THRAP3: variants seen among roughly 807,000 people sequenced by gnomAD.
THRAP3 encodes thyroid hormone receptor-associated protein 3.
THRAP3 carries 16 observed loss-of-function variants against 101.0 expected under a neutral mutation model. The ratio of observed to expected loss-of-function variants is 0.16; its 90% CI spans 0.11 to 0.24. THRAP3 has a LOEUF of 0.24. THRAP3 is among the 10% of genes least tolerant of loss of function. The probability of loss-of-function intolerance (pLI) is 1.00; values close to 1 mark genes in which losing one functional copy is unlikely to be tolerated. For synonymous variants in THRAP3, 407 were observed against 422.6 expected (o/e 0.96, Z 0.45); for missense variants, 989 against 1,202.7 (o/e 0.82, Z 2.63).
chr1:36,246,667 C>T (rs1482515885), intron 1 of THRAP3, among the ~76,000 whole-genome samples: 3 of 151,736 alleles, frequency 2.0e-5, no homozygotes, highest in Non-Finnish European at 4.4e-5. Context: ...ATGGTGAAAC[C>T]CTGTCTCTAC....
At position 36,248,366 on chromosome 1, in the gene THRAP3, C is replaced by A. The variant is rs147164590; in HGVS notation, c.-134-11016C>A. Among the ~76,000 whole-genome samples, 1,172 of 151,548 alleles carry A rather than the reference C, an allele frequency of 7.7e-3. 10 individuals carry two copies. The highest frequency in any genetic ancestry group is 0.027 in the African/African-American group (1,117 of 41,296). Reference sequence around the variant, plus strand: ...TTGTTGTCCAGGCTAGTCTCGAACTCCTAGCCTCAAGTGATCCTTCTACCT... The same window carrying A: ...TTGTTGTCCAGGCTAGTCTCGAACTACTAGCCTCAAGTGATCCTTCTACCT... On this transcript the variant is annotated intron_variant, in intron 1 of 11. Coordinates refer to ENST00000354618, the MANE Select transcript of THRAP3 (RefSeq NM_005119.4).
At chr1:36,272,174 G>T (rs991436770) in intron 2 of THRAP3, among the ~76,000 whole-genome samples, 1 of 152,054 alleles carries the variant, frequency 6.6e-6, no homozygotes, top group East Asian at 1.9e-4. Flanking sequence ...GAGTCACCAC[G>T]CCCAGCCTGT....
In THRAP3 at chr1:36,288,126, G is replaced by A. The variant is rs570347086; in HGVS notation, c.1040+856G>A. Reference sequence around the variant, plus strand: ...GATGAGATGTTTTGAATCTGTACTTGCCTTCAGTAAGTCTGTTTTATTTTA... The same window carrying A: ...GATGAGATGTTTTGAATCTGTACTTACCTTCAGTAAGTCTGTTTTATTTTA... On this transcript the variant is annotated intron_variant, in intron 4 of 11. Transcript: ENST00000354618. The A allele has an allele frequency of 4.2e-4, 413 of 984,282 alleles. 1 individual carries two copies. Among genetic ancestry groups the A allele is most frequent in the Non-Finnish European group, 4.9e-4 (405 of 829,026 alleles). The allele number at this position is 984,282 out of a possible 1,614,324, so 61.0% of individuals were successfully genotyped here.
At chr1:36,225,575 A>C (rs1281542248) in intron 1 of THRAP3, 1 of 151,668 alleles carries the variant, frequency 6.6e-6, no homozygotes, top group Non-Finnish European at 1.5e-5. Context: ...TTTTTTTTTT[A>C]GAGTGTGCGC....
At chr1:36,254,256 TCTC>T (rs1289191626) in intron 1 of THRAP3, among the ~76,000 whole-genome samples, 3 of 152,216 alleles carry the variant, frequency 2.0e-5, no homozygotes, top group Admixed American at 2.0e-4. Flanking sequence ...GTCCTTTTCT[TCTC>T]CACAGATATT....
At chr1:36,301,481 CA>C in intron 10 of THRAP3, 71 bp from the exon 11 acceptor site, 2 of 1,555,676 alleles carry the variant, frequency 1.3e-6, no homozygotes, top group Non-Finnish European at 1.7e-6. Flanking sequence ...AATGTTTGAA[CA>C]AAAAGCAGGG....
the THRAP3 span, among the ~76,000 whole-genome samples, chr1:36,218,182 T>C: frequency 2.6e-4 from 38 of 147,586 alleles, no homozygotes; most frequent in African/African-American, 9.0e-4. Context: ...CTGGCCAACA[T>C]GGTGAAACCC....
intron 1 of THRAP3, among the ~76,000 whole-genome samples, chr1:36,232,499 A>G (rs1052858341): frequency 6.6e-6 from 1 of 152,306 alleles, no homozygotes; most frequent in African/African-American, 2.4e-5. Flanking sequence ...ACTATATGAC[A>G]TGATATTTAT....
intron 1 of THRAP3, among the ~76,000 whole-genome samples, chr1:36,236,130 T>C (rs553256306): frequency 6.6e-6 from 1 of 151,202 alleles, no homozygotes; most frequent in Non-Finnish European, 1.5e-5. Context: ...CAGGTGCCTG[T>C]AGTCCCAGCT....
chr1:36,303,818 G>C lies in THRAP3; in HGVS notation c.2669G>C (p.Gly890Ala). 6.2e-7 allele frequency: 1 copy of C among 1,614,116 alleles called. No individual in the cohort carries two copies. Among genetic ancestry groups the C allele is most frequent in the African/African-American group, 1.3e-5 (1 of 75,028 alleles). Residue 890 changes from glycine (G) to alanine (A), a missense_variant, in exon 12 of 12, where the codon GGC becomes GCC. Gly to Ala is a moderately conservative substitution (Grantham distance 60, BLOSUM62 0). Transcript: ENST00000354618. ...YYLHDDREGEGSDKWVSRGRG... is the reference protein window; with the variant it reads ...YYLHDDREGEASDKWVSRGRG... ...CAGCATGATGACCGTGAAGGCGAAG[G>C]CAGTGACAAGTGGGTGAGCCGGGGC...
chr1:36,247,935 A>G (rs1009085930), intron 1 of THRAP3, among the ~76,000 whole-genome samples: 1 of 143,026 alleles, frequency 7.0e-6, no homozygotes, highest in Non-Finnish European at 1.5e-5. Flanking sequence ...GCTGGAGTGC[A>G]GTGGCACGAT....
At chr1:36,292,252 G>GTTTT (rs1557453511) in intron 6 of THRAP3, among the ~76,000 whole-genome samples, 3 of 57,494 alleles carry the variant, frequency 5.2e-5, no homozygotes, top group Non-Finnish European at 1.0e-4. Flanking sequence ...AACATAATGT[G>GTTTT]TTTCTTTGTT....
intron 3 of THRAP3, among the ~76,000 whole-genome samples, chr1:36,285,932 G>A (rs1020506526): frequency 6.6e-6 from 1 of 152,092 alleles, no homozygotes; most frequent in Non-Finnish European, 1.5e-5. Context: ...TTGTAGATAG[G>A]GGTCAGAGTA....
In THRAP3 at chr1:36,269,778, T is replaced by C. The variant is rs551170128; in HGVS notation, c.-32+10294T>C. ...ATCTTCTGTAGAGACAGGGTCTCAC[T>C]ATGTTGCCCAGGCTGATTCGACATC... On this transcript the variant is annotated intron_variant, in intron 2 of 11. Coordinates refer to ENST00000354618, the MANE Select transcript of THRAP3 (RefSeq NM_005119.4). Among the ~76,000 whole-genome samples the C allele has an allele frequency of 7.9e-5, 12 of 152,054 alleles. No homozygotes were observed. The South Asian group carries it at 1.9e-3, about 24-fold the overall frequency.
At chr1:36,215,650 C>G in the THRAP3 span, among the ~76,000 whole-genome samples, 5 of 152,184 alleles carry the variant, frequency 3.3e-5, no homozygotes, top group South Asian at 1.0e-3. Flanking sequence ...TGCAACCACT[C>G]TACTCTGCAG....
At position 36,230,591 on chromosome 1, in the gene THRAP3, C is replaced by T. The variant is rs79884883; in HGVS notation, c.-135+6086C>T. Among the ~76,000 whole-genome samples the T allele has an allele frequency of 9.6e-3, 1,466 of 152,222 alleles. 16 individuals are homozygous for T. Among genetic ancestry groups the T allele is most frequent in the African/African-American group, 0.034 (1,405 of 41,524 alleles). ...AAAAGGAGCATTTTAAGTGTGCTTT[C>T]CTTCAGTGATTTATTTTGTCAGATG... On this transcript the variant is annotated intron_variant, in intron 1 of 11. Coordinates refer to ENST00000354618, the MANE Select transcript of THRAP3 (RefSeq NM_005119.4).
intron 9 of THRAP3, among the ~76,000 whole-genome samples, chr1:36,298,894 A>G (rs879429783): frequency 3.9e-5 from 6 of 152,178 alleles, no homozygotes; most frequent in Non-Finnish European, 7.4e-5. Context: ...TCCTGGGCTC[A>G]AGTGATCTAC....
chr1:36,244,923 T>C (rs1410736956), intron 1 of THRAP3, among the ~76,000 whole-genome samples: 1 of 151,990 alleles, frequency 6.6e-6, no homozygotes, highest in Non-Finnish European at 1.5e-5. Flanking sequence ...GGTTTCATGA[T>C]GTTGGCCAGG....
intron 2 of THRAP3, among the ~76,000 whole-genome samples, chr1:36,261,659 G>C (rs916634172): frequency 6.6e-6 from 1 of 152,174 alleles, no homozygotes; most frequent in Non-Finnish European, 1.5e-5. Flanking sequence ...TTCTGGTTGA[G>C]TGTGTGGATC....
Sources: allele counts gnomAD v4.1 joint callset (sites outside exome capture counted in the v4.1 genomes callset), GRCh38; gene constraint gnomAD v4.1.1; transcripts MANE v1.5; gene names NCBI Gene and HGNC (gene_info 2026-07-23, HGNC 2026-07-21).